Variants in SCFD2 observed in about 807,000 individuals in gnomAD.
SCFD2 encodes the protein sec1 family domain-containing protein 2.
SCFD2 carries 54 observed loss-of-function variants against 58.9 expected under a neutral mutation model. That is an observed-to-expected ratio of 0.92 (90% confidence interval 0.74 to 1.15). SCFD2 has a LOEUF of 1.15. Among genes scored for constraint, SCFD2 ranks in the 50% most tolerant of loss-of-function variants. SCFD2 has a pLI of 0.00. For synonymous variants in SCFD2, 321 were observed against 335.9 expected, an observed-to-expected ratio of 0.96 and a Z score of 0.49; for missense variants, 805 against 836.6, an observed-to-expected ratio of 0.96 and a Z score of 0.47.
chr4:53,245,400 T>G (rs142057547), intron 4 of SCFD2, among the ~76,000 whole-genome samples: 1 of 152,312 alleles, frequency 6.6e-6, no homozygotes, highest in African/African-American at 2.4e-5. Flanking sequence ...ATTAAAAAGC[T>G]AATCCACAAT....
At chr4:53,029,122 TTGTGATGTGTGGTATG>T (rs1426035491) in intron 5 of SCFD2, among the ~76,000 whole-genome samples, 1 of 152,218 alleles carries the variant, frequency 6.6e-6, no homozygotes, top group Non-Finnish European at 1.5e-5. Flanking sequence ...AAAATTTTTC[TTGTGATGTGTGGTATG>T]TGTGTGTATT....
chr4:52,922,601 C>T (rs529337054), intron 5 of SCFD2, among the ~76,000 whole-genome samples: 2 of 152,206 alleles, frequency 1.3e-5, no homozygotes, highest in East Asian at 1.9e-4. Flanking sequence ...TTTTATATAT[C>T]GACTTATCGG....
At chr4:52,910,137 C>T (rs148392400) in intron 6 of SCFD2, among the ~76,000 whole-genome samples, 1 of 152,362 alleles carries the variant, frequency 6.6e-6, no homozygotes, top group African/African-American at 2.4e-5. Context: ...CATTCTCCAG[C>T]CTTCCTTGCA....
intron 5 of SCFD2, among the ~76,000 whole-genome samples, chr4:53,057,615 C>A (rs1289587401): frequency 1.3e-5 from 2 of 152,044 alleles, no homozygotes; most frequent in Non-Finnish European, 2.9e-5. Flanking sequence ...ACCACCATGG[C>A]ACACATATAC....
chr4:52,876,478 G>A (rs1012188930), intron 8 of SCFD2, among the ~76,000 whole-genome samples: 3 of 151,922 alleles, frequency 2.0e-5, no homozygotes, highest in Admixed American at 1.3e-4. Flanking sequence ...AACTGGGTGC[G>A]GTGGCTCACT....
intron 4 of SCFD2, among the ~76,000 whole-genome samples, chr4:53,152,736 T>TTA (rs1005072224): frequency 2.0e-5 from 3 of 152,182 alleles, no homozygotes; most frequent in African/African-American, 7.2e-5. Flanking sequence ...TTCCTTTCAC[T>TTA]TATAAGCCTG....
Position 53,314,792 on chromosome 4 carries a change from C to A in SCFD2, c.1008-1029G>T, listed in dbSNP as rs529912512. Among the ~76,000 whole-genome samples, 4 of 152,114 alleles carry A rather than the reference C, an allele frequency of 2.6e-5. No individual in the cohort carries two copies. In the East Asian group the frequency reaches 7.7e-4, roughly 29 times the overall value. ...ATGTATTTTTACACTGAGTTTAATG[C>A]CTGACACATTATAATCTTTCATTGA... is the stretch of plus-strand genomic sequence containing the variant. On this transcript the variant is annotated intron_variant, in intron 2 of 8. Transcript: ENST00000401642.
intron 5 of SCFD2, among the ~76,000 whole-genome samples, chr4:53,003,891 G>A (rs761197334): frequency 3.3e-5 from 5 of 152,162 alleles, no homozygotes; most frequent in South Asian, 2.1e-4. Flanking sequence ...AGGGGAAGAC[G>A]AAAAGGGCAC....
In SCFD2 at chr4:53,331,241, C is replaced by T. The variant is rs1381334770; in HGVS notation, c.1008-17478G>A. Among the ~76,000 whole-genome samples the T allele has an allele frequency of 2.5e-4, 37 of 150,790 alleles. 1 individual carries two copies. The South Asian group carries it at 3.9e-3, about 16-fold the overall frequency. ...GAATTGAACTCAGCTCTGCACCAAG[C>T]GGACCTAATAGACATCTACAGAACT... On this transcript the variant is annotated intron_variant, in intron 2 of 8. Transcript: ENST00000401642.
rs780818973 is a variant in SCFD2, at chr4:53,313,683, A to G, written c.1088T>C (p.Leu363Pro). The G allele has an allele frequency of 3.7e-6, 6 of 1,614,046 alleles. No homozygotes were observed. Among genetic ancestry groups the G allele is most frequent in the Non-Finnish European group, 5.1e-6 (6 of 1,179,954 alleles). The part of the protein sequence containing the change: ...KEAVMEVRRH[L>P]VEAASRENLP... ...GTTTTCTCTGCTTGCCGCTTCCACT[A>G]GATGTCTCCGAACTTCCATCACTGC... The change falls in exon 3 of 9, where the codon CTA becomes CCA. Residue 363 changes from leucine (L) to proline (P), a missense_variant. Physicochemically the swap from Leu to Pro is moderately conservative, Grantham distance 98 (BLOSUM62 -3). This residue lies in a region of SCFD2 where 633 missense variants were observed against 646.8 expected (regional missense o/e 0.98). Transcript: ENST00000401642.
intron 7 of SCFD2, among the ~76,000 whole-genome samples, chr4:52,892,313 A>G (rs1446306721): frequency 6.6e-6 from 1 of 152,016 alleles, no homozygotes; most frequent in East Asian, 1.9e-4. Flanking sequence ...TTAGACTTTC[A>G]TCTTCTCACC....
chr4:53,110,693 G>A (rs1367714181), intron 5 of SCFD2, among the ~76,000 whole-genome samples: 3 of 152,190 alleles, frequency 2.0e-5, no homozygotes, highest in Non-Finnish European at 4.4e-5. Flanking sequence ...AACAACAGAC[G>A]CTGGAGAGGA....
intron 4 of SCFD2, among the ~76,000 whole-genome samples, chr4:53,207,574 TTATA>T (rs375890349): frequency 0.14 from 3,314 of 24,144 alleles, 1,119 homozygotes; most frequent in Non-Finnish European, 0.25. Context: ...TATATAATAT[TTATA>T]TATATATAAT....
At chr4:52,895,919 T>C (rs1718996267) in intron 7 of SCFD2, among the ~76,000 whole-genome samples, 2 of 152,242 alleles carry the variant, frequency 1.3e-5, no homozygotes, top group Non-Finnish European at 2.9e-5. Flanking sequence ...CCAGTGGTGA[T>C]GAGCATTTTT....
At chr4:52,954,194 C>A (rs1372198786) in intron 5 of SCFD2, among the ~76,000 whole-genome samples, 1 of 152,216 alleles carries the variant, frequency 6.6e-6, no homozygotes, top group Non-Finnish European at 1.5e-5. Context: ...GTCACCACAA[C>A]CTCCTCTTCA....
chr4:53,069,897 C>T (rs985512966), intron 5 of SCFD2, among the ~76,000 whole-genome samples: 1 of 152,030 alleles, frequency 6.6e-6, no homozygotes, highest in Non-Finnish European at 1.5e-5. Context: ...TAATAATATA[C>T]ATATACATCT....
In SCFD2 at chr4:52,971,841, AAG is replaced by A. The variant is rs1466292091; in HGVS notation, c.1562-50973_1562-50972del. On this transcript the variant is annotated intron_variant, in intron 5 of 8. Coordinates refer to ENST00000401642, the MANE Select transcript of SCFD2 (RefSeq NM_152540.4). ...TCTCCGCAGAAACTCTACAAGCCAG[AAG>A]AGAGTGGGGGCCAATATTCAACATT... Among the ~76,000 whole-genome samples the A allele has an allele frequency of 8.5e-5, 13 of 152,354 alleles. No individual in the cohort carries two copies. The East Asian group carries it at 2.5e-3, about 29-fold the overall frequency.
chr4:53,236,451 G>T (rs1729613181), intron 4 of SCFD2, among the ~76,000 whole-genome samples: 1 of 144,626 alleles, frequency 6.9e-6, no homozygotes, highest in Non-Finnish European at 1.5e-5. Flanking sequence ...CATATATAAG[G>T]ATATATATAT....
intron 5 of SCFD2, among the ~76,000 whole-genome samples, chr4:52,922,975 G>C (rs1226777837): frequency 6.6e-6 from 1 of 152,202 alleles, no homozygotes; most frequent in African/African-American, 2.4e-5. Flanking sequence ...ATTCAAACAA[G>C]CTTAAACTAA....
Sources: allele counts gnomAD v4.1 joint callset (sites outside exome capture counted in the v4.1 genomes callset), GRCh38; gene constraint gnomAD v4.1.1; regional missense constraint gnomAD v4.1.1; transcripts MANE v1.5; gene names NCBI Gene and HGNC (gene_info 2026-07-23, HGNC 2026-07-21).